The following KIF13A variants were observed in gnomAD, a reference collection of about 807,000 sequenced individuals.
KIF13A encodes kinesin-like protein KIF13A.
A neutral mutation model predicts 212.2 loss-of-function variants in KIF13A; 79 were observed. The ratio of observed to expected loss-of-function variants is 0.37; its 90% CI spans 0.31 to 0.45. The LOEUF is 0.45. KIF13A is among the 20% of genes least tolerant of loss of function. KIF13A has a pLI of 1.00. For synonymous variants in KIF13A, 789 were observed against 808.6 expected, an observed-to-expected ratio of 0.98 and a Z score of 0.41; for missense variants, 1,901 against 2,209.0, an observed-to-expected ratio of 0.86 and a Z score of 2.79.
At chr6:17,782,285 C>T (rs1232340677) in intron 29 of KIF13A, among the ~76,000 whole-genome samples, 1 of 152,070 alleles carries the variant, frequency 6.6e-6, no homozygotes. Context: ...CCTTGTGAGT[C>T]TCCTATAAGA....
intron 2 of KIF13A, among the ~76,000 whole-genome samples, chr6:17,943,570 A>C (rs372036200): frequency 6.6e-6 from 1 of 152,060 alleles, no homozygotes; most frequent in Admixed American, 6.6e-5. Flanking sequence ...TAACAGGTCT[A>C]GAGTGGAGGC....
At chr6:17,810,487 G>A (rs1763338159) in intron 17 of KIF13A, among the ~76,000 whole-genome samples, 1 of 152,166 alleles carries the variant, frequency 6.6e-6, no homozygotes. Context: ...AACCTTTTTG[G>A]CACCAGGGAC....
chr6:17,931,164 T>C (rs1027622081), intron 2 of KIF13A, among the ~76,000 whole-genome samples: 8 of 152,236 alleles, frequency 5.3e-5, no homozygotes, highest in Admixed American at 3.9e-4. Context: ...CTATTTCTAG[T>C]GCTAGAGTTT....
At chr6:17,880,263 G>A (rs547788512) in intron 3 of KIF13A, among the ~76,000 whole-genome samples, 44 of 152,170 alleles carry the variant, frequency 2.9e-4, no homozygotes, top group Admixed American at 2.6e-3. Context: ...GCCAGAAACC[G>A]ATGACTGAAG....
Position 17,938,220 on chromosome 6 carries a change from T to C in KIF13A, c.147-40040A>G, listed in dbSNP as rs138419466. On this transcript the variant is annotated intron_variant, in intron 2 of 38. Transcript: ENST00000259711. The stretch of plus-strand genomic sequence containing the variant: ...TTTAGACTGCTATTAAATGTGGCAA[T>C]TGCTACATTTAATGCATGATTTATT... Among the ~76,000 whole-genome samples, 601 of 152,254 alleles carry C rather than the reference T, an allele frequency of 3.9e-3. 2 individuals are homozygous for C. The highest frequency in any genetic ancestry group is 0.014 in the African/African-American group (586 of 41,560).
intron 4 of KIF13A, among the ~76,000 whole-genome samples, chr6:17,859,687 G>C (rs1317331958): frequency 1.4e-5 from 2 of 144,892 alleles, no homozygotes; most frequent in Non-Finnish European, 3.0e-5. Context: ...CCAGGGTGGA[G>C]TGCAATGGTG....
chr6:17,794,734 C>A lies in KIF13A; in HGVS notation c.2943-30G>T. On this transcript the variant is annotated intron_variant, in intron 23 of 38. Transcript: ENST00000259711. The surrounding 1 kb of genome is among the most constrained non-coding windows in gnomAD (Gnocchi z 4.1). ...AGAAACACATTCCAACAAGCAAGAG[C>A]GTCATCGTCCAGGGATACTGTTAGT... is the stretch of plus-strand genomic sequence containing the variant. 1.3e-6 allele frequency: 2 copies of A among 1,597,098 alleles called. No homozygotes were observed. The highest frequency in any genetic ancestry group is 2.2e-5 in the East Asian group (1 of 44,846).
At position 17,883,477 on chromosome 6, in the gene KIF13A, T is replaced by A. The variant is rs762693996; in HGVS notation, c.160-10040A>T. 1.3e-5 allele frequency among the ~76,000 whole-genome samples: 2 copies of A among 152,204 alleles called. No individual in the cohort carries two copies. The highest frequency in any genetic ancestry group is 2.9e-5 in the Non-Finnish European group (2 of 68,038). Reference sequence around the variant, plus strand: ...AATAGCACAGATCAGTCAGTGTAAATCCTTCAGTGGCACAGCCAGGATAGC... The same window carrying A: ...AATAGCACAGATCAGTCAGTGTAAAACCTTCAGTGGCACAGCCAGGATAGC... On this transcript the variant is annotated intron_variant, in intron 3 of 38. Coordinates refer to ENST00000259711, the MANE Select transcript of KIF13A (RefSeq NM_022113.6). This position sits in a 1 kb window ranked among gnomAD's most constrained non-coding sequence, Gnocchi z 4.8.
At chr6:17,805,358 T>G in intron 19 of KIF13A, 117 bp downstream of exon 19, 1 of 860,098 alleles carries the variant, frequency 1.2e-6, no homozygotes, top group Non-Finnish European at 1.8e-6. Flanking sequence ...TAACGTATCA[T>G]GAGCACATCT....
intron 2 of KIF13A, among the ~76,000 whole-genome samples, chr6:17,920,772 G>A (rs1048150436): frequency 6.6e-6 from 1 of 151,762 alleles, no homozygotes; most frequent in African/African-American, 2.4e-5. Flanking sequence ...TACCCAGGAG[G>A]CTGAGGCAGG....
At position 17,979,082 on chromosome 6, in the gene KIF13A, C is replaced by T. The variant is rs562804299; in HGVS notation, c.146+7972G>A. 9.5e-4 allele frequency among the ~76,000 whole-genome samples: 144 copies of T among 152,202 alleles called. 2 individuals are homozygous for T. The highest frequency in any genetic ancestry group is 3.3e-3 in the African/African-American group (136 of 41,506). ...GGTGCACCTGGAGGCCACTTGAGGC[C>T]GGAAGTTTGAGAACAGCCTGACCAA... On this transcript the variant is annotated intron_variant, in intron 2 of 38. Transcript: ENST00000259711.
rs1765195253 is a variant in KIF13A at position 17,828,933 on chromosome 6, T to C, written c.1402-563A>G. Among the ~76,000 whole-genome samples, 1 of 150,992 alleles carries C rather than the reference T, an allele frequency of 6.6e-6. No homozygotes were observed. The highest frequency in any genetic ancestry group is 2.1e-4 in the South Asian group (1 of 4,760). On this transcript the variant is annotated intron_variant, in intron 13 of 38. Transcript: ENST00000259711. The surrounding 1 kb of genome is among the most constrained non-coding windows in gnomAD (Gnocchi z 4.3). Reference sequence around the variant, plus strand: ...ATACAGTATTAATGCCTGTGGGTCATACCATGTACAAACGTGTGATTTTTT... The same window carrying C: ...ATACAGTATTAATGCCTGTGGGTCACACCATGTACAAACGTGTGATTTTTT...
chr6:17,908,474 C>T (rs543109299), intron 2 of KIF13A, among the ~76,000 whole-genome samples: 5 of 152,084 alleles, frequency 3.3e-5, no homozygotes, highest in South Asian at 4.2e-4. Flanking sequence ...TGTGATGGTG[C>T]GTGCCTATAG....
At chr6:17,823,988 A>T (rs1581427736) in intron 16 of KIF13A, among the ~76,000 whole-genome samples, 1 of 142,568 alleles carries the variant, frequency 7.0e-6, no homozygotes, top group Non-Finnish European at 1.5e-5. Flanking sequence ...TCTTGGCTCA[A>T]CCTCTGCCTC....
chr6:17,799,389 G>A lies in KIF13A; in HGVS notation c.2667C>T (p.Val889=), dbSNP rs1173742227. The A allele has an allele frequency of 1.2e-6, 2 of 1,606,216 alleles. No homozygotes were observed. The highest frequency in any genetic ancestry group is 1.7e-6 in the Non-Finnish European group (2 of 1,175,898). The change falls in exon 22 of 39, where the codon GTC becomes GTT. Residue 889 remains valine (V), a synonymous_variant. Transcript: ENST00000259711. The surrounding 1 kb of genome is among the most constrained non-coding windows in gnomAD (Gnocchi z 4.4). ...TGLPLNLSNF[V]FCQYTFWDQC... ...GGTCCCAGAATGTGTATTGACAGAA[G>A]ACAAAATTTGAGAGGTTTAAGGGCA...
In KIF13A at chr6:17,886,708, C is replaced by T. The variant is rs1308998018; in HGVS notation, c.159+11460G>A. Among the ~76,000 whole-genome samples, 1 of 152,008 alleles carries T rather than the reference C, an allele frequency of 6.6e-6. No individual in the cohort carries two copies. Among genetic ancestry groups the T allele is most frequent in the South Asian group, 2.1e-4 (1 of 4,818 alleles). ...GTAGGAATTTCAAGATAGAAACACACAGCACTTCACTTGAACCCGGGAGGT... is the reference window on the plus strand; with the variant it reads ...GTAGGAATTTCAAGATAGAAACACATAGCACTTCACTTGAACCCGGGAGGT... On this transcript the variant is annotated intron_variant, in intron 3 of 38. Coordinates refer to ENST00000259711, the MANE Select transcript of KIF13A (RefSeq NM_022113.6). This position sits in a 1 kb window ranked among gnomAD's most constrained non-coding sequence, Gnocchi z 5.6.
rs1180108285 is a variant in KIF13A at position 17,923,519 on chromosome 6, T to G, written c.147-25339A>C. On this transcript the variant is annotated intron_variant, in intron 2 of 38. Coordinates refer to ENST00000259711, the MANE Select transcript of KIF13A (RefSeq NM_022113.6). ...CCAAAGACCTGGAGGCTGCCAGGCA[T>G]GAATCCCTGGGTTTGGTTTTTTTTT... Among the ~76,000 whole-genome samples the G allele has an allele frequency of 2.0e-5, 3 of 150,932 alleles. No homozygotes were observed. In the East Asian group the frequency reaches 5.8e-4, roughly 29 times the overall value.
chr6:17,763,242 T>A (rs1265177322), downstream of KIF13A, among the ~76,000 whole-genome samples: 1 of 152,132 alleles, frequency 6.6e-6, no homozygotes, highest in Non-Finnish European at 1.5e-5. Flanking sequence ...CCCAACACTT[T>A]GGGAGGCCAA....
intron 2 of KIF13A, among the ~76,000 whole-genome samples, chr6:17,903,586 C>CA (rs1773237350): frequency 6.6e-6 from 1 of 152,014 alleles, no homozygotes; most frequent in Non-Finnish European, 1.5e-5. Flanking sequence ...GAGGTACAAA[C>CA]AAAATGGCAC....
Sources: allele counts gnomAD v4.1 joint callset (sites outside exome capture counted in the v4.1 genomes callset), GRCh38; gene constraint gnomAD v4.1.1; non-coding constraint Gnocchi (gnomAD v3.1); transcripts MANE v1.5; gene names NCBI Gene and HGNC (gene_info 2026-07-23, HGNC 2026-07-21).